Variants in TENT2 observed in about 807,000 individuals in gnomAD.
TENT2 encodes poly(A) RNA polymerase GLD2.
Under a neutral mutation model 72.2 loss-of-function variants are expected in TENT2, and 44 were observed. The observed-to-expected ratio is 0.61, with a 90% CI of 0.48 to 0.78. The LOEUF is 0.78. Among genes scored for constraint, TENT2 ranks in the 30% least tolerant of loss-of-function variants. The pLI, the probability that TENT2 is intolerant of heterozygous loss-of-function variation, is 0.00. For missense variants in TENT2, 541 were observed against 569.6 expected (o/e 0.95, Z 0.51); for synonymous variants, 212 against 192.5 (o/e 1.10, Z -0.84).
chr5:79,651,839 C>T (rs945439078), intron 10 of TENT2, among the ~76,000 whole-genome samples: 1 of 152,032 alleles, frequency 6.6e-6, no homozygotes, highest in South Asian at 2.1e-4. Context: ...CAACCTTGTC[C>T]GTTCTTGGTA....
rs1449797749 is a variant in TENT2, at chr5:79,642,922, A to G, written c.751+12A>G. 1.2e-6 allele frequency: 2 copies of G among 1,608,194 alleles called. No individual in the cohort carries two copies. Among genetic ancestry groups the G allele is most frequent in the East Asian group, 2.2e-5 (1 of 44,684 alleles). On this transcript the variant is annotated intron_variant, in intron 7 of 14. Transcript: ENST00000453514. The stretch of plus-strand genomic sequence containing the variant: ...CTGTACTAGACTTTGTAAGTCTGAC[A>G]TGCCTCAAGTTTGTATGTCACCTGA...
intron 7 of TENT2, 42 bp downstream of exon 7, chr5:79,642,952 A>G: frequency 6.3e-7 from 1 of 1,596,764 alleles, no homozygotes; most frequent in Non-Finnish European, 8.5e-7. Context: ...ACCTGACGTA[A>G]CTTTACTTAA....
chr5:79,678,976 G>C (rs939163536), intron 12 of TENT2, among the ~76,000 whole-genome samples: 1 of 152,124 alleles, frequency 6.6e-6, no homozygotes, highest in African/African-American at 2.4e-5. Flanking sequence ...CATGACCTCT[G>C]CTCACTGCAA....
At chr5:79,616,406 G>T (rs112413412) in intron 1 of TENT2, among the ~76,000 whole-genome samples, 1 of 151,916 alleles carries the variant, frequency 6.6e-6, no homozygotes, top group African/African-American at 2.4e-5. Flanking sequence ...TGTTAGTCAG[G>T]CTGGTCTTGA....
At chr5:79,655,545 T>A (rs1012816594) in intron 10 of TENT2, among the ~76,000 whole-genome samples, 9 of 152,080 alleles carry the variant, frequency 5.9e-5, no homozygotes, top group Non-Finnish European at 1.3e-4. Context: ...ATTTTCCAAT[T>A]TGACTTCTGT....
Position 79,679,758 on chromosome 5 carries a change from C to A in TENT2, c.1300+88C>A, listed in dbSNP as rs1032604879. The stretch of plus-strand genomic sequence containing the variant: ...AGCTGTGTTTCAGTTAAAAGTAATA[C>A]ATTTATGTCTGAAGTGATTTGTAAG... On this transcript the variant is annotated intron_variant, in intron 13 of 14. Coordinates refer to ENST00000453514, the MANE Select transcript of TENT2 (RefSeq NM_001114394.3). 15 of 695,454 alleles carry A rather than the reference C, an allele frequency of 2.2e-5. No individual in the cohort carries two copies. In the Middle Eastern group the frequency reaches 2.0e-3, roughly 92 times the overall value. The allele number at this position is 695,454 out of a possible 1,614,324, so 43.1% of individuals were successfully genotyped here. A position where few individuals can be genotyped will look rare whatever the true frequency, so the allele number is the denominator to read the frequency against.
At chr5:79,642,361 T>C (rs1443141583) in intron 6 of TENT2, among the ~76,000 whole-genome samples, 1 of 152,076 alleles carries the variant, frequency 6.6e-6, no homozygotes, top group Admixed American at 6.5e-5. Context: ...TTTTTCGTGC[T>C]GCTAGATTAT....
Position 79,649,099 on chromosome 5 carries a change from G to A in TENT2, c.936G>A (p.Lys312=). 1 of 1,613,390 alleles carries A rather than the reference G, an allele frequency of 6.2e-7. No homozygotes were observed. Among genetic ancestry groups the A allele is most frequent in the South Asian group, 1.1e-5 (1 of 91,060 alleles). The part of the protein sequence containing the change: ...NRVRPLVLVI[K]KWASHHQIND... Reference sequence around the variant, plus strand: ...TTCGTCCGTTAGTGCTGGTGATTAAGAAGTGGGCAAGTCACCATCAGATAA... The same window carrying A: ...TTCGTCCGTTAGTGCTGGTGATTAAAAAGTGGGCAAGTCACCATCAGATAA... The change falls in exon 10 of 15, where the codon AAG becomes AAA. Residue 312 remains lysine (K), a synonymous_variant. Transcript: ENST00000453514.
intron 1 of TENT2, among the ~76,000 whole-genome samples, chr5:79,619,255 T>C (rs1039448333): frequency 3.3e-5 from 5 of 152,252 alleles, no homozygotes; most frequent in African/African-American, 1.2e-4. Context: ...GGTTTATACC[T>C]TTGTATAAAT....
chr5:79,626,275 A>G (rs1040512372), intron 4 of TENT2, among the ~76,000 whole-genome samples: 3 of 150,292 alleles, frequency 2.0e-5, no homozygotes, highest in Non-Finnish European at 4.4e-5. Flanking sequence ...AGCTGGGACT[A>G]TCGATAGGTG....
intron 4 of TENT2, among the ~76,000 whole-genome samples, chr5:79,627,747 C>G (rs1038838507): frequency 4.6e-5 from 7 of 152,204 alleles, no homozygotes; most frequent in Non-Finnish European, 1.0e-4. Context: ...AGCTTCCCAT[C>G]ATGCTGGGTT....
intron 8 of TENT2, among the ~76,000 whole-genome samples, chr5:79,648,363 C>T (rs962801883): frequency 2.0e-5 from 3 of 152,036 alleles, no homozygotes; most frequent in African/African-American, 7.2e-5. Context: ...GGAGCCTTAG[C>T]AGTATGTTAC....
intron 8 of TENT2, 52 bp from the exon 9 acceptor site, chr5:79,648,565 T>G: frequency 1.5e-6 from 2 of 1,300,268 alleles, no homozygotes; most frequent in Non-Finnish European, 2.1e-6. Flanking sequence ...GGAAGGAAGT[T>G]TTTTTGTTCT....
At chr5:79,669,743 A>G (rs769288967) in intron 12 of TENT2, among the ~76,000 whole-genome samples, 1 of 151,730 alleles carries the variant, frequency 6.6e-6, no homozygotes, top group Admixed American at 6.6e-5. Flanking sequence ...AATAATAGTA[A>G]TAATAATAAT....
intron 12 of TENT2, among the ~76,000 whole-genome samples, chr5:79,677,888 C>T (rs1580669214): frequency 6.6e-6 from 1 of 152,302 alleles, no homozygotes; most frequent in East Asian, 1.9e-4. Context: ...CAGCCTCAAC[C>T]TCCCCTTGCT....
rs73121500 is a variant in TENT2, at chr5:79,688,223, A to G, written c.*2950A>G. ...TGTGACTTGCTATAATTAAAAATAA[A>G]TGTTAACTCTTCTAGCCATCAAATC... On this transcript the variant is annotated 3_prime_UTR_variant, in exon 15 of 15. Coordinates refer to ENST00000453514, the MANE Select transcript of TENT2 (RefSeq NM_001114394.3). Among the ~76,000 whole-genome samples, 9,897 of 152,280 alleles carry G rather than the reference A, an allele frequency of 0.065. 1,017 individuals are homozygous for G. The highest frequency in any genetic ancestry group is 0.22 in the African/African-American group (9,145 of 41,506).
intron 11 of TENT2, among the ~76,000 whole-genome samples, chr5:79,663,625 G>A (rs2150482169): frequency 1.3e-5 from 2 of 152,288 alleles, no homozygotes; most frequent in Admixed American, 1.3e-4. Context: ...TAAGTTTGCA[G>A]TATTATGTGG....
chr5:79,687,986 G>A lies in TENT2; in HGVS notation c.*2713G>A, dbSNP rs183395890. On this transcript the variant is annotated 3_prime_UTR_variant, in exon 15 of 15. Transcript: ENST00000453514. ...GATTACTGATGGTGAAGTCTAGCTG[G>A]TGTTAAGAGAATAAATATTGCTGAT... 2.2e-4 allele frequency among the ~76,000 whole-genome samples: 31 copies of A among 142,918 alleles called. No individual in the cohort carries two copies. In the East Asian group the frequency reaches 4.5e-3, roughly 21 times the overall value. 93.8% of individuals were successfully genotyped at this position (142,918 alleles called of 152,430 possible).
rs767977770 is a variant in TENT2 at position 79,629,826 on chromosome 5, C to CA, written c.465+6347dup. Among the ~76,000 whole-genome samples, 539 of 128,838 alleles carry CA rather than the reference C, an allele frequency of 4.2e-3. 4 individuals are homozygous for CA. The highest frequency in any genetic ancestry group is 6.6e-3 in the Non-Finnish European group (402 of 61,122). 84.5% of individuals were successfully genotyped at this position (128,838 alleles called of 152,430 possible). A position where few individuals can be genotyped will look rare whatever the true frequency, so the allele number is the denominator to read the frequency against. ...TGGGCAACAGAGTGAGACTCTGTCT[C>CA]AAAAAAAAAATAATAACCATACATA... On this transcript the variant is annotated intron_variant, in intron 4 of 14. Coordinates refer to ENST00000453514, the MANE Select transcript of TENT2 (RefSeq NM_001114394.3).
Sources: gnomAD v4.1 joint callset for allele counts (sites outside exome capture counted in the v4.1 genomes callset) on GRCh38, gnomAD v4.1.1 for gene constraint, MANE v1.5 for transcripts, NCBI Gene and HGNC (gene_info 2026-07-23, HGNC 2026-07-21) for gene names.